Variants in CCND1 observed in about 807,000 individuals in gnomAD.
CCND1 encodes the protein G1/S-specific cyclin-D1.
Under a neutral mutation model 26.1 loss-of-function variants are expected in CCND1, and 9 were observed. The ratio of observed to expected loss-of-function variants is 0.35; its 90% CI spans 0.21 to 0.60. CCND1 has a LOEUF of 0.60. Among genes scored for constraint, CCND1 ranks in the 20% least tolerant of loss-of-function variants. The pLI is 0.79. For synonymous variants in CCND1, 194 were observed against 166.1 expected (o/e 1.17, Z -1.29); for missense variants, 335 against 392.9 (o/e 0.85, Z 1.25).
rs1434276774 is a variant in CCND1 at position 69,652,015 on chromosome 11, A to G, written c.*733A>G. ...CCTGTGACCACCACCCCAACAAACC[A>G]TCCAGTGACAAACCATCCAGTGGAG... On this transcript the variant is annotated 3_prime_UTR_variant, in exon 5 of 5. Transcript: ENST00000227507. The G allele has an allele frequency of 1.7e-5, 4 of 232,910 alleles. No individual in the cohort carries two copies. The highest frequency in any genetic ancestry group is 3.4e-5 in the Non-Finnish European group (4 of 117,902). The allele number at this position is 232,910 out of a possible 1,614,324, so 14.4% of individuals were successfully genotyped here. A position where few individuals can be genotyped will look rare whatever the true frequency, so the allele number is the denominator to read the frequency against.
rs778087994 is a variant in CCND1 at position 69,644,010 on chromosome 11, C to A, written c.574+19C>A. The A allele has an allele frequency of 1.2e-6, 2 of 1,611,566 alleles. No homozygotes were observed. The highest frequency in any genetic ancestry group is 1.3e-5 in the African/African-American group (1 of 74,908). On this transcript the variant is annotated intron_variant, in intron 3 of 4. Transcript: ENST00000227507. The stretch of plus-strand genomic sequence containing the variant: ...GCCACAGGTAGGGCAGGCCCGGCAG[C>A]CCCCGGCCTCCCCTTGAGAGCCGGC...
chr11:69,641,897 G>A (rs549300265), intron 1 of CCND1, among the ~76,000 whole-genome samples: 2 of 152,230 alleles, frequency 1.3e-5, no homozygotes, highest in African/African-American at 4.8e-5. Context: ...GGGGGAGGGG[G>A]CATAGATTTG....
At chr11:69,647,938 G>A (rs2120108159) in intron 3 of CCND1, 56 bp from the exon 4 acceptor site, 2 of 1,598,532 alleles carry the variant, frequency 1.3e-6, no homozygotes, top group African/African-American at 1.3e-5. Context: ...CGGATCACGG[G>A]GGCCCTGAGA....
rs757336988 is a variant in CCND1, at chr11:69,653,210, C to A, written c.*1928C>A. On this transcript the variant is annotated 3_prime_UTR_variant, in exon 5 of 5. Transcript: ENST00000227507. ...CGAGGGGAAGGGGCGGTGCCCACAC[C>A]GGGGACAGGCCGCAGCTCCATTTTC... 4.3e-5 allele frequency: 30 copies of A among 694,586 alleles called. No homozygotes were observed. The highest frequency in any genetic ancestry group is 1.1e-4 in the African/African-American group (6 of 56,872). The allele number at this position is 694,586 out of a possible 1,614,324, so 43.0% of individuals were successfully genotyped here. A position where few individuals can be genotyped will look rare whatever the true frequency, so the allele number is the denominator to read the frequency against.
At chr11:69,644,122 C>A in intron 3 of CCND1, 131 bp downstream of exon 3, 1 of 867,048 alleles carries the variant, frequency 1.2e-6, no homozygotes, top group Non-Finnish European at 1.9e-6. Context: ...CGCTGGAGAG[C>A]GCTCTTCCAG....
rs947265437 is a variant in CCND1, at chr11:69,654,076, G to A, written c.*2794G>A. 1.6e-6 allele frequency: 1 copy of A among 621,756 alleles called. No individual in the cohort carries two copies. The highest frequency in any genetic ancestry group is 2.9e-6 in the Non-Finnish European group (1 of 345,866). 38.5% of individuals were successfully genotyped at this position (621,756 alleles called of 1,614,324 possible). On this transcript the variant is annotated 3_prime_UTR_variant, in exon 5 of 5. Coordinates refer to ENST00000227507, the MANE Select transcript of CCND1 (RefSeq NM_053056.3). This position sits in a 1 kb window ranked among gnomAD's most constrained non-coding sequence, Gnocchi z 6.3. ...GCCCACGTGGTTGGGGCCCTGCCCT[G>A]GCAGGGTCATCCTGTGCTCGGAGGC...
intron 4 of CCND1, 48 bp downstream of exon 4, chr11:69,648,190 G>T (rs1487665126): frequency 1.9e-6 from 3 of 1,606,764 alleles, no homozygotes; most frequent in African/African-American, 2.7e-5. Context: ...CTTACAGGGG[G>T]AGACACCTAG....
At chr11:69,646,702 C>T (rs957977624) in intron 3 of CCND1, among the ~76,000 whole-genome samples, 3 of 152,204 alleles carry the variant, frequency 2.0e-5, no homozygotes, top group African/African-American at 7.2e-5. Flanking sequence ...GGGGGCCAGG[C>T]CAAGAGGCAC....
In CCND1 at chr11:69,653,494, A is replaced by C. The variant is rs1248948087; in HGVS notation, c.*2212A>C. ...TATTCCAAAAAGGTTGCTGTTTCACAATACCTCATGCTTCACTTAGCCATG... is the reference window on the plus strand; with the variant it reads ...TATTCCAAAAAGGTTGCTGTTTCACCATACCTCATGCTTCACTTAGCCATG... On this transcript the variant is annotated 3_prime_UTR_variant, in exon 5 of 5. Transcript: ENST00000227507. 5.2e-6 allele frequency: 3 copies of C among 574,000 alleles called. No individual in the cohort carries two copies. The highest frequency in any genetic ancestry group is 4.3e-4 in the Middle Eastern group (1 of 2,328). 35.6% of individuals were successfully genotyped at this position (574,000 alleles called of 1,614,324 possible).
At chr11:69,649,424 G>A (rs185097455) in intron 4 of CCND1, among the ~76,000 whole-genome samples, 3 of 152,288 alleles carry the variant, frequency 2.0e-5, no homozygotes, top group Admixed American at 6.5e-5. Flanking sequence ...ACAGACACAC[G>A]GGGTGAAGTT....
intron 3 of CCND1, among the ~76,000 whole-genome samples, chr11:69,647,256 G>A (rs1311702321): frequency 6.6e-6 from 1 of 151,338 alleles, no homozygotes; most frequent in Non-Finnish European, 1.5e-5. Context: ...GTGGAGTTGG[G>A]GTGTACTTGG....
Position 69,641,524 on chromosome 11 carries a change from G to C in CCND1, c.198+13G>C, listed in dbSNP as rs368364521. 175 of 1,612,118 alleles carry C rather than the reference G, an allele frequency of 1.1e-4. No individual in the cohort carries two copies. The highest frequency in any genetic ancestry group is 2.0e-4 in the South Asian group (18 of 91,072). On this transcript the variant is annotated intron_variant, in intron 1 of 4. Coordinates refer to ENST00000227507, the MANE Select transcript of CCND1 (RefSeq NM_053056.3). ...CTGGATGCTGGAGGTGCGGGGCTTCGGGCGGCTCTCTTAAGACTTCCCTGC... is the reference window on the plus strand; with the variant it reads ...CTGGATGCTGGAGGTGCGGGGCTTCCGGCGGCTCTCTTAAGACTTCCCTGC...
Position 69,653,741 on chromosome 11 carries a change from CT to C in CCND1, c.*2462del, listed in dbSNP as rs1855886173. 2 of 289,412 alleles carry C rather than the reference CT, an allele frequency of 6.9e-6. No homozygotes were observed. The highest frequency in any genetic ancestry group is 9.2e-5 in the Admixed American group (2 of 21,686). The allele number at this position is 289,412 out of a possible 1,614,324, so 17.9% of individuals were successfully genotyped here. On this transcript the variant is annotated 3_prime_UTR_variant, in exon 5 of 5. Transcript: ENST00000227507. ...TAGTAGTTTTTACAGCTGTGTTATTCTTTGCGTGTAGCTATGGAAGTTGCAT... is the reference window on the plus strand; with the variant it reads ...TAGTAGTTTTTACAGCTGTGTTATTCTTGCGTGTAGCTATGGAAGTTGCAT...
intron 3 of CCND1, among the ~76,000 whole-genome samples, chr11:69,646,723 G>A (rs987797073): frequency 3.9e-5 from 6 of 152,326 alleles, no homozygotes; most frequent in African/African-American, 1.2e-4. Context: ...ATCCCACACT[G>A]GCCCACCTGT....
intron 4 of CCND1, among the ~76,000 whole-genome samples, chr11:69,649,536 GC>G (rs1855829000): frequency 6.6e-6 from 1 of 152,186 alleles, no homozygotes; most frequent in Non-Finnish European, 1.5e-5. Flanking sequence ...ATTTTCTAGG[GC>G]GTGTTCTAGA....
chr11:69,653,409 C>T lies in CCND1; in HGVS notation c.*2127C>T. 4.9e-6 allele frequency: 3 copies of T among 616,946 alleles called. No individual in the cohort carries two copies. Among genetic ancestry groups the T allele is most frequent in the South Asian group, 1.8e-5 (1 of 54,844 alleles). 38.2% of individuals were successfully genotyped at this position (616,946 alleles called of 1,614,324 possible). On this transcript the variant is annotated 3_prime_UTR_variant, in exon 5 of 5. Coordinates refer to ENST00000227507, the MANE Select transcript of CCND1 (RefSeq NM_053056.3). ...TCTTAGAACATTGTATTACAGATGC[C>T]TTTTTTGTAGTTTTTTTTTTTTTTA...
At position 69,641,382 on chromosome 11, in the gene CCND1, C is replaced by T. The variant is rs1347957438; in HGVS notation, c.69C>T (p.Leu23=). Residue 23 remains leucine (L), a synonymous_variant, in exon 1 of 5, where the codon CTC becomes CTT. Coordinates refer to ENST00000227507, the MANE Select transcript of CCND1 (RefSeq NM_053056.3). ...IRRAYPDANL[L]NDRVLRAMLK... The stretch of plus-strand genomic sequence containing the variant: ...GCGCGTACCCCGATGCCAACCTCCT[C>T]AACGACCGGGTGCTGCGGGCCATGC... 1 of 1,613,460 alleles carries T rather than the reference C, an allele frequency of 6.2e-7. No individual in the cohort carries two copies. The highest frequency in any genetic ancestry group is 8.5e-7 in the Non-Finnish European group (1 of 1,180,016).
intron 4 of CCND1, among the ~76,000 whole-genome samples, chr11:69,650,393 C>T (rs1254575337): frequency 6.6e-6 from 1 of 152,250 alleles, no homozygotes; most frequent in Non-Finnish European, 1.5e-5. Flanking sequence ...CTCTTTCCCA[C>T]TGACAGTGTG....
In CCND1 at chr11:69,653,975, G is replaced by T; in HGVS notation, c.*2693G>T. On this transcript the variant is annotated 3_prime_UTR_variant, in exon 5 of 5. Transcript: ENST00000227507. Reference sequence around the variant, plus strand: ...ATTTAAAGAGACTCCAAATCTCAATGAAGCCAGCTCACAGTGCTGTGTGCC... The same window carrying T: ...ATTTAAAGAGACTCCAAATCTCAATTAAGCCAGCTCACAGTGCTGTGTGCC... 3.4e-6 allele frequency: 2 copies of T among 581,316 alleles called. No homozygotes were observed. Among genetic ancestry groups the T allele is most frequent in the Non-Finnish European group, 6.1e-6 (2 of 326,954 alleles). 36.0% of individuals were successfully genotyped at this position (581,316 alleles called of 1,614,324 possible). A position where few individuals can be genotyped will look rare whatever the true frequency, so the allele number is the denominator to read the frequency against.
Sources: gnomAD v4.1 joint callset for allele counts (sites outside exome capture counted in the v4.1 genomes callset) on GRCh38, gnomAD v4.1.1 for gene constraint, Gnocchi (gnomAD v3.1) non-coding constraint, MANE v1.5 for transcripts, NCBI Gene and HGNC (gene_info 2026-07-23, HGNC 2026-07-21) for gene names.